EDDM3A: variants seen among roughly 807,000 people sequenced by gnomAD.
EDDM3A encodes epididymal secretory protein E3-alpha.
For missense variants in EDDM3A, 199 were observed against 177.4 expected (o/e 1.12, Z -0.69); for synonymous variants, 75 against 60.4 (o/e 1.24, Z -1.12).
chr14:20,737,588 C>A, the EDDM3A span, among the ~76,000 whole-genome samples: 33,368 of 152,034 alleles, frequency 0.22, 3,784 homozygotes, highest in Middle Eastern at 0.33. Context: ...AAGGTGTTAC[C>A]TTTCCTAAGG....
chr14:20,735,958 G>A, the EDDM3A span, among the ~76,000 whole-genome samples: 1 of 152,178 alleles, frequency 6.6e-6, no homozygotes, highest in Non-Finnish European at 1.5e-5. Flanking sequence ...CAGCAGTGGA[G>A]TGGAATGAGT....
intron 1 of EDDM3A, among the ~76,000 whole-genome samples, chr14:20,747,263 C>T (rs141645263): frequency 0.016 from 2,370 of 152,074 alleles, 76 homozygotes; most frequent in African/African-American, 0.055. Flanking sequence ...TGTCCAGCTA[C>T]TTTTTGTATT....
chr14:20,737,271 G>A, the EDDM3A span, among the ~76,000 whole-genome samples: 3 of 151,932 alleles, frequency 2.0e-5, no homozygotes, highest in South Asian at 2.1e-4. Flanking sequence ...GGCCAGGCTG[G>A]TCTCAAACTC....
chr14:20,747,902 G>A lies in EDDM3A; in HGVS notation c.322G>A (p.Glu108Lys), dbSNP rs1333440686. The change falls in exon 2 of 2, where the codon GAG becomes AAG. Residue 108 changes from glutamate to lysine, a missense_variant. Coordinates refer to ENST00000326842, the MANE Select transcript of EDDM3A (RefSeq NM_006683.5). ...GALKVLECHWEKYNNRYTESR... is the reference protein window; with the variant it reads ...GALKVLECHWKKYNNRYTESR... Reference sequence around the variant, plus strand: ...CCTCAAAGTACTCGAGTGTCACTGGGAGAAGTACAACAATAGGTACACAGA... The same window carrying A: ...CCTCAAAGTACTCGAGTGTCACTGGAAGAAGTACAACAATAGGTACACAGA... 2.5e-6 allele frequency: 4 copies of A among 1,614,142 alleles called. No individual in the cohort carries two copies. Among genetic ancestry groups the A allele is most frequent in the South Asian group, 1.1e-5 (1 of 91,086 alleles).
chr14:20,747,496 G>A, intron 1 of EDDM3A, 59 bp from the exon 2 acceptor site: 2 of 1,096,024 alleles, frequency 1.8e-6, no homozygotes, highest in Non-Finnish European at 2.6e-6. Context: ...GGAATTTTAA[G>A]GTGGAGCTCA....
At chr14:20,743,940 A>ATTT (rs72521754), upstream of EDDM3A, among the ~76,000 whole-genome samples, 196 of 151,772 alleles carry the variant, frequency 1.3e-3, 1 homozygote, top group African/African-American at 3.8e-3. Context: ...GGAGTCCATG[A>ATTT]TTTTTTTTCC....
the EDDM3A span, among the ~76,000 whole-genome samples, chr14:20,739,696 T>C: frequency 6.6e-6 from 1 of 152,180 alleles, no homozygotes; most frequent in Non-Finnish European, 1.5e-5. Flanking sequence ...TTGTGTTAAT[T>C]TGCAGTTCTC....
chr14:20,738,754 C>T, the EDDM3A span, among the ~76,000 whole-genome samples: 1 of 152,110 alleles, frequency 6.6e-6, no homozygotes, highest in Admixed American at 6.5e-5. Flanking sequence ...ACAGAGGTGG[C>T]TAGAGTGCCA....
intron 1 of EDDM3A, among the ~76,000 whole-genome samples, 186 bp downstream of exon 1, chr14:20,746,178 T>TCA (rs765833907): frequency 3.3e-5 from 5 of 152,284 alleles, no homozygotes; most frequent in Middle Eastern, 3.4e-3. Context: ...TCACCGCCAG[T>TCA]CCTCCTAAGC....
upstream of EDDM3A, among the ~76,000 whole-genome samples, chr14:20,745,463 T>C (rs1877554724): frequency 1.3e-5 from 2 of 150,088 alleles, no homozygotes; most frequent in African/African-American, 4.9e-5. Flanking sequence ...GAGGCGGAGC[T>C]TGCAGTGAGC....
chr14:20,747,725 A>C lies in EDDM3A; in HGVS notation c.145A>C (p.Lys49Gln). 1 of 1,614,192 alleles carries C rather than the reference A, an allele frequency of 6.2e-7. No individual in the cohort carries two copies. The highest frequency in any genetic ancestry group is 8.5e-7 in the Non-Finnish European group (1 of 1,180,036). The change falls in exon 2 of 2, where the codon AAA becomes CAA. Residue 49 changes from lysine to glutamine, a missense_variant. By Grantham distance (53) the Lys-to-Gln change is moderately conservative. Coordinates refer to ENST00000326842, the MANE Select transcript of EDDM3A (RefSeq NM_006683.5). The part of the protein sequence containing the change: ...LSPSREFKEY[K>Q]CDVLMREKEA... ...TCCAAGTCGAGAATTCAAAGAGTAC[A>C]AATGTGATGTCCTCATGAGAGAAAA... is the stretch of plus-strand genomic sequence containing the variant.
upstream of EDDM3A, among the ~76,000 whole-genome samples, chr14:20,745,525 C>CA (rs5807049): frequency 0.46 from 63,059 of 137,082 alleles, 14,172 homozygotes; most frequent in East Asian, 0.65. Flanking sequence ...GACTCCATCT[C>CA]AAAAAAAAAA....
upstream of EDDM3A, among the ~76,000 whole-genome samples, chr14:20,740,925 T>A (rs989656794): frequency 6.6e-6 from 1 of 151,010 alleles, no homozygotes; most frequent in South Asian, 2.1e-4. Context: ...CTTCAATAAT[T>A]ACCTACAGGA....
At chr14:20,744,576 G>A (rs932218672), upstream of EDDM3A, among the ~76,000 whole-genome samples, 2 of 152,196 alleles carry the variant, frequency 1.3e-5, no homozygotes, top group Admixed American at 6.5e-5. Flanking sequence ...GATGTTAAAG[G>A]TAACCATTGA....
chr14:20,748,335 C>A lies in EDDM3A; in HGVS notation c.*311C>A. 1 of 246,602 alleles carries A rather than the reference C, an allele frequency of 4.1e-6. No homozygotes were observed. The highest frequency in any genetic ancestry group is 8.4e-6 in the Non-Finnish European group (1 of 119,748). 15.3% of individuals were successfully genotyped at this position (246,602 alleles called of 1,614,324 possible). ...TTGACTCTCTTTATACCTACCCAAG[C>A]TGAACGACCCTCCTTTTCTTAAATA... On this transcript the variant is annotated 3_prime_UTR_variant, in exon 2 of 2. Coordinates refer to ENST00000326842, the MANE Select transcript of EDDM3A (RefSeq NM_006683.5).
upstream of EDDM3A, among the ~76,000 whole-genome samples, chr14:20,745,194 C>T (rs188101399): frequency 7.3e-4 from 110 of 150,612 alleles, 1 homozygote; most frequent in East Asian, 0.021. Context: ...CGACTGCACT[C>T]CAGCCTGGGC....
intron 1 of EDDM3A, among the ~76,000 whole-genome samples, chr14:20,746,491 A>G (rs1017852324): frequency 1.3e-5 from 2 of 152,186 alleles, no homozygotes; most frequent in Non-Finnish European, 2.9e-5. Flanking sequence ...TCAAACGACC[A>G]TACATCCTAT....
chr14:20,737,865 A>G, the EDDM3A span, among the ~76,000 whole-genome samples: 1 of 152,376 alleles, frequency 6.6e-6, no homozygotes, highest in South Asian at 2.1e-4. Flanking sequence ...CTTGCTTCAT[A>G]TAATTTTGTC....
At chr14:20,745,710 C>T (rs1333902179), upstream of EDDM3A, among the ~76,000 whole-genome samples, 1 of 152,132 alleles carries the variant, frequency 6.6e-6, no homozygotes, top group African/African-American at 2.4e-5. Flanking sequence ...GTACCCAGGG[C>T]TCAGCCTTTG....
Sources: allele counts gnomAD v4.1 joint callset (sites outside exome capture counted in the v4.1 genomes callset), GRCh38; gene constraint gnomAD v4.1.1; transcripts MANE v1.5; gene names NCBI Gene and HGNC (gene_info 2026-07-23, HGNC 2026-07-21).